Variants in GABRB1 observed in about 807,000 individuals in gnomAD.
The protein encoded by GABRB1 is gamma-aminobutyric acid receptor subunit beta-1.
A neutral mutation model predicts 51.6 loss-of-function variants in GABRB1; 17 were observed. That is an observed-to-expected ratio of 0.33 (90% confidence interval 0.23 to 0.49). The LOEUF (loss-of-function observed/expected upper bound fraction) is 0.49. Ranked by LOEUF, GABRB1 falls within the 20% of genes least tolerant of loss-of-function variation. GABRB1 has a pLI of 0.99. For synonymous variants in GABRB1, 247 were observed against 218.9 expected (o/e 1.13, Z -1.14); for missense variants, 410 against 600.6 (o/e 0.68, Z 3.32).
At chr4:47,385,577 C>T (rs1177047280) in intron 5 of GABRB1, among the ~76,000 whole-genome samples, 1 of 152,158 alleles carries the variant, frequency 6.6e-6, no homozygotes, top group East Asian at 1.9e-4. Context: ...ACATTTCTGA[C>T]ACCAAATGTT....
intron 4 of GABRB1, among the ~76,000 whole-genome samples, chr4:47,301,986 A>T (rs1269132713): frequency 6.6e-6 from 1 of 152,034 alleles, no homozygotes; most frequent in African/African-American, 2.4e-5. Context: ...ATCTTTCACA[A>T]TTTTTTTTCC....
At chr4:47,077,962 A>ATATAT (rs1398843933) in intron 3 of GABRB1, among the ~76,000 whole-genome samples, 17 of 109,062 alleles carry the variant, frequency 1.6e-4, no homozygotes, top group East Asian at 1.3e-3. Context: ...TATATTTTAT[A>ATATAT]TATATATTTT....
intron 4 of GABRB1, among the ~76,000 whole-genome samples, chr4:47,289,267 G>A (rs185698474): frequency 2.1e-4 from 32 of 152,120 alleles, no homozygotes; most frequent in Middle Eastern, 3.4e-3. Flanking sequence ...TTTTGTTTCC[G>A]TTTTGAACCT....
intron 5 of GABRB1, among the ~76,000 whole-genome samples, chr4:47,363,976 T>G (rs1282934125): frequency 6.6e-6 from 1 of 152,150 alleles, no homozygotes; most frequent in African/African-American, 2.4e-5. Flanking sequence ...GAGCTGGAGA[T>G]CTCAACAACA....
chr4:47,277,625 G>A (rs559654482), intron 4 of GABRB1, among the ~76,000 whole-genome samples: 1 of 151,926 alleles, frequency 6.6e-6, no homozygotes, highest in African/African-American at 2.4e-5. Context: ...TCCCATAAAT[G>A]TATATGCCTA....
At chr4:47,244,316 T>C (rs1225621550) in intron 4 of GABRB1, among the ~76,000 whole-genome samples, 1 of 152,158 alleles carries the variant, frequency 6.6e-6, no homozygotes, top group Non-Finnish European at 1.5e-5. Context: ...TGCATCGATG[T>C]TCATCAGGGA....
chr4:47,364,948 T>A (rs1409309385), intron 5 of GABRB1, among the ~76,000 whole-genome samples: 1 of 151,314 alleles, frequency 6.6e-6, no homozygotes, highest in Non-Finnish European at 1.5e-5. Context: ...AAGGAAAAAA[T>A]TAAATAATCA....
At chr4:47,374,628 G>A (rs1181531586) in intron 5 of GABRB1, among the ~76,000 whole-genome samples, 1 of 152,162 alleles carries the variant, frequency 6.6e-6, no homozygotes, top group Non-Finnish European at 1.5e-5. Flanking sequence ...TAGCCCTTGA[G>A]TCATAGCCTC....
At chr4:47,045,258 T>C (rs901803052) in intron 3 of GABRB1, among the ~76,000 whole-genome samples, 2 of 152,038 alleles carry the variant, frequency 1.3e-5, no homozygotes, top group African/African-American at 2.4e-5. Context: ...AAACCCAGGA[T>C]TTATGATTAC....
At chr4:47,318,402 T>A (rs1724960906) in intron 4 of GABRB1, among the ~76,000 whole-genome samples, 1 of 151,980 alleles carries the variant, frequency 6.6e-6, no homozygotes, top group South Asian at 2.1e-4. Context: ...AAAGCATATC[T>A]TCCTCTCTTG....
intron 4 of GABRB1, among the ~76,000 whole-genome samples, chr4:47,238,793 T>A (rs1417752086): frequency 2.6e-5 from 4 of 152,238 alleles, no homozygotes; most frequent in Non-Finnish European, 5.9e-5. Flanking sequence ...CTAGAAATTC[T>A]TATGCAACAT....
chr4:47,101,266 C>T (rs114828323), intron 3 of GABRB1, among the ~76,000 whole-genome samples: 1 of 151,782 alleles, frequency 6.6e-6, no homozygotes, highest in African/African-American at 2.4e-5. Flanking sequence ...TGCATGAAAC[C>T]AAATTATTAC....
At chr4:47,275,847 A>C (rs1057001156) in intron 4 of GABRB1, among the ~76,000 whole-genome samples, 3 of 152,166 alleles carry the variant, frequency 2.0e-5, no homozygotes, top group African/African-American at 7.2e-5. Flanking sequence ...TAAGGAATTT[A>C]ATTTAAACCA....
At chr4:47,284,252 C>T (rs112984425) in intron 4 of GABRB1, among the ~76,000 whole-genome samples, 2,384 of 152,134 alleles carry the variant, frequency 0.016, 26 homozygotes, top group Non-Finnish European at 0.023. Context: ...CATGAACCCT[C>T]ACCAGCAATG....
chr4:47,261,612 A>G (rs367858319), intron 4 of GABRB1, among the ~76,000 whole-genome samples: 3 of 152,134 alleles, frequency 2.0e-5, no homozygotes, highest in Admixed American at 6.5e-5. Context: ...AAATGGCCAT[A>G]CTGCCCAAGG....
At chr4:47,205,902 A>G (rs2109803490) in intron 4 of GABRB1, among the ~76,000 whole-genome samples, 1 of 152,158 alleles carries the variant, frequency 6.6e-6, no homozygotes, top group Middle Eastern at 3.4e-3. Context: ...TCCCATTCTC[A>G]AATATTTTTG....
At chr4:47,134,551 C>T (rs535048162) in intron 3 of GABRB1, among the ~76,000 whole-genome samples, 4 of 152,184 alleles carry the variant, frequency 2.6e-5, no homozygotes, top group African/African-American at 9.6e-5. Context: ...AATTGATTTA[C>T]TTTGCTAAAC....
intron 4 of GABRB1, among the ~76,000 whole-genome samples, chr4:47,262,198 C>G (rs1463412964): frequency 6.6e-6 from 1 of 151,738 alleles, no homozygotes; most frequent in Non-Finnish European, 1.5e-5. Context: ...CAAATGGGAT[C>G]TCATTAAACT....
chr4:47,036,019 T>C (rs1469973351), intron 3 of GABRB1, among the ~76,000 whole-genome samples: 1 of 152,180 alleles, frequency 6.6e-6, no homozygotes, highest in Admixed American at 6.5e-5. Context: ...TTACATCGAA[T>C]GAGTCCTGAC....
Sources: gnomAD v4.1 joint callset for allele counts (sites outside exome capture counted in the v4.1 genomes callset) on GRCh38, gnomAD v4.1.1 for gene constraint, MANE v1.5 for transcripts, NCBI Gene and HGNC (gene_info 2026-07-23, HGNC 2026-07-21) for gene names.